Variants in ARHGAP26 observed in about 807,000 individuals in gnomAD.
ARHGAP26 encodes the protein rho GTPase-activating protein 26.
ARHGAP26 carries 38 observed loss-of-function variants against 104.8 expected under a neutral mutation model. That is an observed-to-expected ratio of 0.36 (90% CI 0.28 to 0.48). The LOEUF (loss-of-function observed/expected upper bound fraction) is 0.48, where lower values mean the gene tolerates loss of function less well. ARHGAP26 is among the 20% of genes least tolerant of loss of function. The pLI is 0.99. For synonymous variants in ARHGAP26, 341 were observed against 340.0 expected (o/e 1.00, Z -0.03); for missense variants, 704 against 947.9 (o/e 0.74, Z 3.38).
chr5:142,833,945 A>T (rs1769035171), intron 1 of ARHGAP26, among the ~76,000 whole-genome samples: 1 of 152,210 alleles, frequency 6.6e-6, no homozygotes, highest in Non-Finnish European at 1.5e-5. Flanking sequence ...TAGACTCATA[A>T]GTGGGACAGT....
intron 22 of ARHGAP26, among the ~76,000 whole-genome samples, chr5:143,215,109 G>A (rs538270584): frequency 2.0e-5 from 3 of 152,354 alleles, no homozygotes; most frequent in African/African-American, 4.8e-5. Context: ...TGGCCCTGCC[G>A]TAACATGACA....
At position 143,223,495 on chromosome 5, in the gene ARHGAP26, A is replaced by T; in HGVS notation, c.*1049A>T. The T allele has an allele frequency of 4.3e-6, 1 of 231,838 alleles. No individual in the cohort carries two copies. 14.4% of individuals were successfully genotyped at this position (231,838 alleles called of 1,614,324 possible). A position where few individuals can be genotyped will look rare whatever the true frequency, so the allele number is the denominator to read the frequency against. Reference sequence around the variant, plus strand: ...GTAAGATGCTGCCTCCCAATGGGTGATGCCATCTGACTGGTTTCCCCATGT... The same window carrying T: ...GTAAGATGCTGCCTCCCAATGGGTGTTGCCATCTGACTGGTTTCCCCATGT... On this transcript the variant is annotated 3_prime_UTR_variant, in exon 23 of 23. Transcript: ENST00000645722.
chr5:143,037,269 A>G lies in ARHGAP26; in HGVS notation c.1210+8A>G, dbSNP rs1237852474. The G allele has an allele frequency of 6.3e-7, 1 of 1,588,756 alleles. No individual in the cohort carries two copies. Reference sequence around the variant, plus strand: ...ATGCTGTGGAAACCAGAGGTAAAGTAGTTTAACAGATGGCATTGTTCTCAT... The same window carrying G: ...ATGCTGTGGAAACCAGAGGTAAAGTGGTTTAACAGATGGCATTGTTCTCAT... On this transcript the variant is annotated splice_region_variant and intron_variant, in intron 13 of 22. Transcript: ENST00000645722.
At chr5:143,205,438 GT>G (rs575190493) in intron 20 of ARHGAP26, among the ~76,000 whole-genome samples, 51 of 152,308 alleles carry the variant, frequency 3.3e-4, no homozygotes, top group African/African-American at 1.2e-3. Context: ...TGGGGATTTT[GT>G]TGGAATTTAG....
intron 11 of ARHGAP26, among the ~76,000 whole-genome samples, chr5:142,990,907 G>T (rs2152754713): frequency 6.6e-6 from 1 of 152,328 alleles, no homozygotes; most frequent in East Asian, 1.9e-4. Flanking sequence ...CTACTCGGGG[G>T]TCAGGGACCC....
intron 17 of ARHGAP26, among the ~76,000 whole-genome samples, chr5:143,091,664 A>G (rs1301149981): frequency 6.6e-6 from 1 of 152,216 alleles, no homozygotes; most frequent in Non-Finnish European, 1.5e-5. Flanking sequence ...TGACATAGTT[A>G]TCCAATTTTA....
chr5:143,117,038 A>G (rs1367068277), intron 17 of ARHGAP26, among the ~76,000 whole-genome samples: 2 of 152,234 alleles, frequency 1.3e-5, no homozygotes, highest in Non-Finnish European at 2.9e-5. Flanking sequence ...CAGTTCTTTC[A>G]AAAGACGCCA....
chr5:142,876,454 C>T lies in ARHGAP26; in HGVS notation c.312+1283C>T, dbSNP rs114200250. Among the ~76,000 whole-genome samples, 1,069 of 151,992 alleles carry T rather than the reference C, an allele frequency of 7.0e-3. 18 individuals carry two copies. The highest frequency in any genetic ancestry group is 0.025 in the African/African-American group (1,038 of 41,434). On this transcript the variant is annotated intron_variant, in intron 3 of 22. Transcript: ENST00000645722. ...TAAGTGATACAGTCTGGGTTCAAAC[C>T]CAAGTCTGCATTATATTAAAAAATA...
At chr5:143,164,590 G>A (rs17287641) in intron 20 of ARHGAP26, among the ~76,000 whole-genome samples, 24,600 of 152,034 alleles carry the variant, frequency 0.16, 2,296 homozygotes, top group Non-Finnish European at 0.21. Flanking sequence ...CTCTTCTTCC[G>A]CCTCCAGGAG....
chr5:143,157,366 C>T (rs1336935001), intron 20 of ARHGAP26, among the ~76,000 whole-genome samples: 3 of 152,000 alleles, frequency 2.0e-5, no homozygotes, highest in Admixed American at 6.5e-5. Context: ...TTGGCAGAGA[C>T]AGCGTTTCAC....
At chr5:142,878,287 A>C (rs1756414484) in intron 3 of ARHGAP26, among the ~76,000 whole-genome samples, 1 of 152,260 alleles carries the variant, frequency 6.6e-6, no homozygotes, top group South Asian at 2.1e-4. Context: ...TGCCTTAGAA[A>C]AGACCATAGA....
intron 20 of ARHGAP26, among the ~76,000 whole-genome samples, chr5:143,199,567 T>C (rs901502382): frequency 6.6e-6 from 1 of 152,188 alleles, no homozygotes. Flanking sequence ...CTCTTTTTCA[T>C]CATAGGGGCA....
chr5:142,897,261 G>T (rs1759604300), intron 6 of ARHGAP26, among the ~76,000 whole-genome samples: 1 of 152,184 alleles, frequency 6.6e-6, no homozygotes, highest in Admixed American at 6.5e-5. Flanking sequence ...GAGAAACCTG[G>T]AGAGCTAATG....
chr5:142,969,501 A>G (rs983328263), intron 11 of ARHGAP26: 1 of 152,204 alleles, frequency 6.6e-6, no homozygotes, highest in African/African-American at 2.4e-5. Flanking sequence ...TTAAACAAAT[A>G]AAGCTTGATT....
chr5:143,118,804 G>A (rs578019414), intron 17 of ARHGAP26, among the ~76,000 whole-genome samples: 8 of 152,106 alleles, frequency 5.3e-5, no homozygotes, highest in African/African-American at 1.7e-4. Context: ...TGGGGAGAGG[G>A]GGGAGGGATA....
At chr5:142,975,867 A>T (rs1313491919) in intron 11 of ARHGAP26, among the ~76,000 whole-genome samples, 3 of 152,258 alleles carry the variant, frequency 2.0e-5, no homozygotes, top group African/African-American at 7.2e-5. Flanking sequence ...TCTTACATGA[A>T]TTCAACTATA....
chr5:143,185,706 G>A (rs1014704680), intron 20 of ARHGAP26, among the ~76,000 whole-genome samples: 2 of 152,152 alleles, frequency 1.3e-5, no homozygotes, highest in African/African-American at 4.8e-5. Flanking sequence ...ACCAGACACG[G>A]TGCCCACCTC....
chr5:142,852,151 G>C (rs969080298), intron 1 of ARHGAP26, among the ~76,000 whole-genome samples: 2 of 152,238 alleles, frequency 1.3e-5, no homozygotes, highest in African/African-American at 2.4e-5. Flanking sequence ...AAAGAGAAAA[G>C]AAAGAGTGAG....
At chr5:143,026,055 G>A (rs1276943415) in intron 12 of ARHGAP26, among the ~76,000 whole-genome samples, 3 of 152,174 alleles carry the variant, frequency 2.0e-5, no homozygotes, top group Non-Finnish European at 4.4e-5. Context: ...GGGTATGAAT[G>A]AGATCTCTGT....
Sources: allele counts gnomAD v4.1 joint callset (sites outside exome capture counted in the v4.1 genomes callset), GRCh38; gene constraint gnomAD v4.1.1; transcripts MANE v1.5; gene names NCBI Gene and HGNC (gene_info 2026-07-23, HGNC 2026-07-21).